CA10: variants seen among roughly 807,000 people sequenced by gnomAD.
CA10 encodes carbonic anhydrase-related protein 10.
Under a neutral mutation model 44.2 loss-of-function variants are expected in CA10, and 14 were observed. That is an observed-to-expected ratio of 0.32 (90% CI 0.21 to 0.50). The LOEUF (loss-of-function observed/expected upper bound fraction) is 0.50. Among genes scored for constraint, CA10 ranks in the 20% least tolerant of loss-of-function variants. CA10 has a pLI of 0.99. For missense variants in CA10, 350 were observed against 409.7 expected, an observed-to-expected ratio of 0.85 and a Z score of 1.26; for synonymous variants, 159 against 141.6, an observed-to-expected ratio of 1.12 and a Z score of -0.87.
At chr17:52,138,712 C>T (rs57362314) in intron 1 of CA10, among the ~76,000 whole-genome samples, 15,228 of 152,250 alleles carry the variant, frequency 0.1, 2,297 homozygotes, top group African/African-American at 0.33. Context: ...CTGGCTGTTT[C>T]TACACAGCAG....
chr17:51,904,120 A>T (rs564051020), intron 3 of CA10, among the ~76,000 whole-genome samples: 1 of 151,698 alleles, frequency 6.6e-6, no homozygotes, highest in African/African-American at 2.4e-5. Flanking sequence ...GCTTTCTAGG[A>T]TGCAAGAATT....
At chr17:51,633,677 T>C (rs770828833) in intron 7 of CA10, 27 bp from the exon 8 acceptor site, 2 of 1,559,212 alleles carry the variant, frequency 1.3e-6, no homozygotes, top group Middle Eastern at 1.8e-4. Context: ...GGCCGTGAGA[T>C]CCAACCATCC....
At chr17:52,050,473 C>T (rs1457910989) in intron 2 of CA10, among the ~76,000 whole-genome samples, 1 of 152,090 alleles carries the variant, frequency 6.6e-6, no homozygotes, top group Non-Finnish European at 1.5e-5. Flanking sequence ...GATTGGTAAA[C>T]AATGTATATC....
Position 51,677,896 on chromosome 17 carries a change from C to CCA in CA10, c.466-24161_466-24160insTG, listed in dbSNP as rs1555583342. ...ACTCCTAGGTATACACCCCCCCCCCCACCGGCTGCCAATTGAAAATAGGTA... is the reference window on the plus strand; with the variant it reads ...ACTCCTAGGTATACACCCCCCCCCCCCAACCGGCTGCCAATTGAAAATAGGTA... On this transcript the variant is annotated intron_variant, in intron 4 of 8. Transcript: ENST00000451037. 4.1e-3 allele frequency among the ~76,000 whole-genome samples: 586 copies of CCA among 142,222 alleles called. 4 individuals are homozygous for CCA. The highest frequency in any genetic ancestry group is 0.016 in the South Asian group (69 of 4,370). 93.3% of individuals were successfully genotyped at this position (142,222 alleles called of 152,430 possible).
chr17:52,052,299 TAAAA>T (rs149731635), intron 2 of CA10, among the ~76,000 whole-genome samples: 68,884 of 144,950 alleles, frequency 0.48, 16,889 homozygotes, highest in African/African-American at 0.6. Flanking sequence ...CTTTTTTTTT[TAAAA>T]AAAAAAAAAA....
At chr17:52,047,382 T>A (rs1292837597) in intron 2 of CA10, among the ~76,000 whole-genome samples, 5 of 152,034 alleles carry the variant, frequency 3.3e-5, no homozygotes, top group Non-Finnish European at 5.9e-5. Context: ...CAGCACTGTA[T>A]ACACTTGTGA....
intron 2 of CA10, among the ~76,000 whole-genome samples, chr17:51,982,442 G>T (rs114189909): frequency 2.3e-3 from 345 of 151,978 alleles, no homozygotes; most frequent in African/African-American, 7.9e-3. Flanking sequence ...ATGAGTTAAA[G>T]GTGTCCAGGG....
chr17:52,113,625 T>C (rs757485206), intron 1 of CA10, among the ~76,000 whole-genome samples: 1 of 152,218 alleles, frequency 6.6e-6, no homozygotes, highest in Non-Finnish European at 1.5e-5. Context: ...TAAATTCAGA[T>C]AGTTAATATT....
chr17:52,043,031 G>T lies in CA10; in HGVS notation c.136+29288C>A, dbSNP rs76872576. On this transcript the variant is annotated intron_variant, in intron 2 of 8. Transcript: ENST00000451037. ...ATAGCTTGAAATCAGGAAGTGTGAT[G>T]CTTCCAGTTTTGTTATTGTAATGCA... is the stretch of plus-strand genomic sequence containing the variant. Among the ~76,000 whole-genome samples the T allele has an allele frequency of 2.5e-3, 379 of 152,000 alleles. 1 individual carries two copies. The Middle Eastern group carries it at 0.041, about 16-fold the overall frequency.
intron 3 of CA10, among the ~76,000 whole-genome samples, chr17:51,798,271 G>T (rs140648982): frequency 6.6e-6 from 1 of 152,290 alleles, no homozygotes. Flanking sequence ...ATTTAGGTGG[G>T]CACCTCAAGG....
At chr17:52,060,064 G>GT (rs1474561626) in intron 2 of CA10, among the ~76,000 whole-genome samples, 2 of 152,116 alleles carry the variant, frequency 1.3e-5, no homozygotes, top group African/African-American at 4.8e-5. Context: ...AGAAATACGT[G>GT]TCTTTTTATA....
At chr17:51,662,467 T>C (rs1161891662) in intron 4 of CA10, among the ~76,000 whole-genome samples, 2 of 152,358 alleles carry the variant, frequency 1.3e-5, no homozygotes, top group African/African-American at 4.8e-5. Context: ...CATTAGCATA[T>C]GCAAATAGTT....
chr17:52,081,432 G>T (rs933263417), intron 1 of CA10, among the ~76,000 whole-genome samples: 2 of 152,152 alleles, frequency 1.3e-5, no homozygotes, highest in East Asian at 3.9e-4. Flanking sequence ...GCCGGACAAT[G>T]TAAGTAGCGG....
intron 4 of CA10, among the ~76,000 whole-genome samples, chr17:51,736,916 C>T (rs770872849): frequency 3.3e-5 from 5 of 152,142 alleles, no homozygotes; most frequent in African/African-American, 4.8e-5. Flanking sequence ...TATTTCACAC[C>T]GCTGCTGTAC....
At chr17:51,846,918 T>C (rs1467414443) in intron 3 of CA10, among the ~76,000 whole-genome samples, 12 of 152,268 alleles carry the variant, frequency 7.9e-5, no homozygotes, top group Admixed American at 5.9e-4. Flanking sequence ...TGTGAACAAG[T>C]CTAAATAAAT....
rs1292727115 is a variant in CA10, at chr17:51,831,696, G to GCAGCAT, written c.280-83879_280-83878insATGCTG. ...AGCAGCAGCAGCAGCAGCAGCAGCA[G>GCAGCAT]CAGCAGCAGCAGCAGCAGCAGCAGC... On this transcript the variant is annotated intron_variant, in intron 3 of 8. Coordinates refer to ENST00000451037, the MANE Select transcript of CA10 (RefSeq NM_020178.5). Among the ~76,000 whole-genome samples the GCAGCAT allele has an allele frequency of 8.0e-5, 7 of 87,052 alleles. No homozygotes were observed. The Admixed American group carries it at 8.1e-4, about 10-fold the overall frequency. The allele number at this position is 87,052 out of a possible 152,430, so 57.1% of individuals were successfully genotyped here.
chr17:52,085,623 G>A (rs4362436), intron 1 of CA10, among the ~76,000 whole-genome samples: 77,933 of 151,942 alleles, frequency 0.51, 20,736 homozygotes, highest in African/African-American at 0.63. Flanking sequence ...TATCTCCTTT[G>A]GGCATCTTTT....
intron 1 of CA10, among the ~76,000 whole-genome samples, chr17:52,075,454 C>T (rs1234088444): frequency 6.6e-6 from 1 of 152,060 alleles, no homozygotes; most frequent in Non-Finnish European, 1.5e-5. Context: ...CTTTGCATTG[C>T]TAAAGAACCA....
At chr17:51,654,949 A>G (rs927656213) in intron 4 of CA10, among the ~76,000 whole-genome samples, 1 of 152,158 alleles carries the variant, frequency 6.6e-6, no homozygotes, top group African/African-American at 2.4e-5. Context: ...TGCTATACAT[A>G]CAACTATTAA....
Sources: gnomAD v4.1 joint callset for allele counts (sites outside exome capture counted in the v4.1 genomes callset) on GRCh38, gnomAD v4.1.1 for gene constraint, MANE v1.5 for transcripts, NCBI Gene and HGNC (gene_info 2026-07-23, HGNC 2026-07-21) for gene names.